STARD13: variants seen among roughly 807,000 people sequenced by gnomAD.
STARD13 encodes StAR related lipid transfer domain containing 13.
In STARD13, 62 loss-of-function variants were observed where a neutral mutation model predicts 106.4. The ratio of observed to expected loss-of-function variants is 0.58; its 90% CI spans 0.48 to 0.72. The LOEUF is 0.72. STARD13 is among the 30% of genes least tolerant of loss of function. The pLI is 0.00. For missense variants in STARD13, 1,387 were observed against 1,424.0 expected, an observed-to-expected ratio of 0.97 and a Z score of 0.42; for synonymous variants, 565 against 553.0, an observed-to-expected ratio of 1.02 and a Z score of -0.31.
the STARD13 span, among the ~76,000 whole-genome samples, chr13:33,578,302 T>C: frequency 4.6e-5 from 7 of 152,098 alleles, no homozygotes; most frequent in South Asian, 1.2e-3. Flanking sequence ...TAAATATAGA[T>C]AAACAGATCA....
intron 1 of STARD13, among the ~76,000 whole-genome samples, chr13:33,237,660 C>A (rs77965165): frequency 0.013 from 1,983 of 152,162 alleles, 27 homozygotes; most frequent in Non-Finnish European, 0.018. Flanking sequence ...CTTCCCATCT[C>A]CCCCCTCACC....
At chr13:33,447,763 C>T in the STARD13 span, among the ~76,000 whole-genome samples, 2 of 152,142 alleles carry the variant, frequency 1.3e-5, no homozygotes, top group East Asian at 3.8e-4. Flanking sequence ...ATAGATTAAT[C>T]TGTGAGAAAT....
chr13:33,321,894 T>C (rs541869274), intron 1 of STARD13, among the ~76,000 whole-genome samples: 2 of 152,372 alleles, frequency 1.3e-5, no homozygotes, highest in South Asian at 4.1e-4. Flanking sequence ...CATTCATGCG[T>C]AATTTTTGGA....
chr13:33,513,504 A>G, the STARD13 span, among the ~76,000 whole-genome samples: 1 of 152,160 alleles, frequency 6.6e-6, no homozygotes, highest in Non-Finnish European at 1.5e-5. Flanking sequence ...TCCTCATAGT[A>G]TGAAGGTGTT....
chr13:33,341,991 A>C lies in STARD13; in HGVS notation c.124+8299T>G, dbSNP rs984205228. Among the ~76,000 whole-genome samples, 5 of 152,210 alleles carry C rather than the reference A, an allele frequency of 3.3e-5. No individual in the cohort carries two copies. In the East Asian group the frequency reaches 9.7e-4, roughly 30 times the overall value. On this transcript the variant is annotated intron_variant, in intron 1 of 5. Transcript: ENST00000567873. ...TTTTTAGTAGATACGAGGTTTCACC[A>C]TGTTGGCCAGGCTGGTCTTAAACTC... is the stretch of plus-strand genomic sequence containing the variant.
intron 1 of STARD13, among the ~76,000 whole-genome samples, chr13:33,305,442 G>A (rs1310570060): frequency 6.6e-6 from 1 of 152,142 alleles, no homozygotes; most frequent in East Asian, 1.9e-4. Flanking sequence ...TACAGAATAA[G>A]CATATACCTT....
chr13:33,479,478 T>C, the STARD13 span, among the ~76,000 whole-genome samples: 33,455 of 152,182 alleles, frequency 0.22, 6,808 homozygotes, highest in African/African-American at 0.54. Context: ...CAAACATATG[T>C]CAGCAAAGGA....
At chr13:33,146,601 A>T (rs1181899434) in intron 3 of STARD13, among the ~76,000 whole-genome samples, 1 of 152,238 alleles carries the variant, frequency 6.6e-6, no homozygotes, top group Non-Finnish European at 1.5e-5. Flanking sequence ...TATTTAAATA[A>T]AGCTGAATAA....
chr13:33,610,066 A>T, the STARD13 span, among the ~76,000 whole-genome samples: 1 of 152,332 alleles, frequency 6.6e-6, no homozygotes, highest in South Asian at 2.1e-4. Flanking sequence ...ATTTACATTG[A>T]TATTCACAAT....
the STARD13 span, among the ~76,000 whole-genome samples, chr13:33,516,292 A>G: frequency 4.7e-5 from 7 of 150,426 alleles, no homozygotes; most frequent in African/African-American, 1.7e-4. Context: ...AATTTCATAT[A>G]TAGTTGGAGT....
the STARD13 span, among the ~76,000 whole-genome samples, chr13:33,557,446 G>T: frequency 6.6e-6 from 1 of 152,032 alleles, no homozygotes; most frequent in Non-Finnish European, 1.5e-5. Flanking sequence ...AAATCTTGCA[G>T]CCATTAGTTT....
chr13:33,481,103 G>A, the STARD13 span, among the ~76,000 whole-genome samples: 19 of 151,652 alleles, frequency 1.3e-4, no homozygotes, highest in Middle Eastern at 3.4e-3. Context: ...AGAGGATCTC[G>A]GTGGATAAGG....
At chr13:33,318,832 A>G (rs1436391141) in intron 1 of STARD13, among the ~76,000 whole-genome samples, 1 of 152,216 alleles carries the variant, frequency 6.6e-6, no homozygotes, top group Admixed American at 6.5e-5. Flanking sequence ...CATTAAGAGT[A>G]TGCATGTCAA....
intron 1 of STARD13, among the ~76,000 whole-genome samples, chr13:33,335,934 C>T (rs538629140): frequency 3.3e-5 from 5 of 152,176 alleles, no homozygotes; most frequent in Non-Finnish European, 7.3e-5. Flanking sequence ...ACAACAGAGT[C>T]CAATACTGGG....
At chr13:33,675,095 G>C in the STARD13 span, among the ~76,000 whole-genome samples, 3 of 152,204 alleles carry the variant, frequency 2.0e-5, no homozygotes, top group Non-Finnish European at 4.4e-5. Flanking sequence ...CTTTCGGCTA[G>C]AGCCATTTTT....
chr13:33,391,500 C>A, the STARD13 span, among the ~76,000 whole-genome samples: 1 of 152,152 alleles, frequency 6.6e-6, no homozygotes, highest in Non-Finnish European at 1.5e-5. Flanking sequence ...GACAATCACA[C>A]CACATATTAC....
chr13:33,211,831 G>GTGTGTA (rs1555248566), intron 1 of STARD13, among the ~76,000 whole-genome samples: 3,038 of 93,640 alleles, frequency 0.032, 104 homozygotes, highest in African/African-American at 0.084. Context: ...GTGTGTATGT[G>GTGTGTA]TGTGTGTGTG....
chr13:33,536,974 A>G, the STARD13 span, among the ~76,000 whole-genome samples: 2 of 152,238 alleles, frequency 1.3e-5, no homozygotes, highest in African/African-American at 4.8e-5. Flanking sequence ...TTTATTCCAC[A>G]TTAAATAAAC....
At chr13:33,626,676 C>T in the STARD13 span, among the ~76,000 whole-genome samples, 1 of 152,312 alleles carries the variant, frequency 6.6e-6, no homozygotes, top group Non-Finnish European at 1.5e-5. Flanking sequence ...GGAAGCCAAC[C>T]TAAGAAACAT....
Sources: gnomAD v4.1 joint callset for allele counts (sites outside exome capture counted in the v4.1 genomes callset) on GRCh38, gnomAD v4.1.1 for gene constraint, MANE v1.5 for transcripts, NCBI Gene and HGNC (gene_info 2026-07-23, HGNC 2026-07-21) for gene names.